KCNJ12: variants seen among roughly 807,000 people sequenced by gnomAD.
The protein encoded by KCNJ12 is potassium inwardly rectifying channel subfamily J member 12.
Under a neutral mutation model 22.3 loss-of-function variants are expected in KCNJ12, and 2 were observed. The ratio of observed to expected loss-of-function variants is 0.09; its 90% confidence interval spans 0.04 to 0.28. The LOEUF (loss-of-function observed/expected upper bound fraction) is 0.28. KCNJ12 is among the 10% of genes least tolerant of loss of function. KCNJ12 has a pLI of 1.00. For synonymous variants in KCNJ12, 117 were observed against 261.4 expected (o/e 0.45, Z 5.33); for missense variants, 155 against 633.3 (o/e 0.24, Z 8.11).
chr17:21,393,871 G>A (rs1225732640), intron 1 of KCNJ12, among the ~76,000 whole-genome samples: 1 of 152,216 alleles, frequency 6.6e-6, no homozygotes, highest in Admixed American at 6.5e-5. Flanking sequence ...TCCTCCCAGG[G>A]CCACTCATTT....
intron 2 of KCNJ12, among the ~76,000 whole-genome samples, chr17:21,414,866 G>A (rs73979889): frequency 2.1e-4 from 32 of 152,022 alleles, no homozygotes; most frequent in African/African-American, 6.0e-4. Context: ...GCATTGAGCA[G>A]GGGAGGGATA....
At chr17:21,407,547 T>C (rs1906030378) in intron 1 of KCNJ12, among the ~76,000 whole-genome samples, 1 of 149,598 alleles carries the variant, frequency 6.7e-6, no homozygotes, top group African/African-American at 2.5e-5. Context: ...ATCCCATTCG[T>C]CTATCCATCC....
At chr17:21,377,872 C>T (rs1555557470) in intron 1 of KCNJ12, among the ~76,000 whole-genome samples, 1 of 152,230 alleles carries the variant, frequency 6.6e-6, no homozygotes, top group African/African-American at 2.4e-5. Flanking sequence ...CCTCCCCCTC[C>T]CCATTTCCCA....
chr17:21,409,938 G>A (rs1398631714), intron 2 of KCNJ12, among the ~76,000 whole-genome samples: 1 of 152,202 alleles, frequency 6.6e-6, no homozygotes, highest in African/African-American at 2.4e-5. Flanking sequence ...TGAGTCTCTG[G>A]TGGGGAGGTT....
intron 1 of KCNJ12, among the ~76,000 whole-genome samples, chr17:21,384,852 A>G (rs1168144271): frequency 2.7e-5 from 4 of 148,690 alleles, no homozygotes; most frequent in Admixed American, 2.0e-4. Flanking sequence ...AGCTCACTGC[A>G]ATCTCCGCCT....
At chr17:21,415,242 C>T in intron 2 of KCNJ12, 45 bp from the exon 3 acceptor site, 1 of 1,524,762 alleles carries the variant, frequency 6.6e-7, no homozygotes. Context: ...GTAGAGGAGC[C>T]CGGAGCCACC....
intron 1 of KCNJ12, among the ~76,000 whole-genome samples, chr17:21,378,882 A>T (rs1904768855): frequency 6.6e-6 from 1 of 152,046 alleles, no homozygotes; most frequent in Non-Finnish European, 1.5e-5. Flanking sequence ...GCTGCCCCGG[A>T]GGGGACCCCT....
intron 1 of KCNJ12, among the ~76,000 whole-genome samples, chr17:21,382,494 C>T (rs1447098038): frequency 6.6e-6 from 1 of 151,696 alleles, no homozygotes; most frequent in Non-Finnish European, 1.5e-5. Flanking sequence ...CCTTTCCAGT[C>T]TTTTTTTTGG....
At position 21,376,364 on chromosome 17, in the gene KCNJ12, CGAGCTGAGCTCCGGTGGAGCGAGGCGCG is replaced by C. The variant is rs1390914527; in HGVS notation, c.-721_-694del. ...CTCCGCGGAGAGTTAGAGGAGTTGC[CGAGCTGAGCTCCGGTGGAGCGAGGCGCG>C]GAGCTGGGTGCGCGCCGAGCCTCTG... On this transcript the variant is annotated 5_prime_UTR_variant, in exon 1 of 3. Transcript: ENST00000583088. The surrounding 1 kb of genome is among the most constrained non-coding windows in gnomAD (Gnocchi z 5.3). 1.3e-5 allele frequency: 2 copies of C among 151,738 alleles called. No homozygotes were observed. Among genetic ancestry groups the C allele is most frequent in the Non-Finnish European group, 2.9e-5 (2 of 67,910 alleles). 9.4% of individuals were successfully genotyped at this position (151,738 alleles called of 1,614,324 possible). A position where few individuals can be genotyped will look rare whatever the true frequency, so the allele number is the denominator to read the frequency against.
At chr17:21,414,767 A>T (rs11652106) in intron 2 of KCNJ12, among the ~76,000 whole-genome samples, 14 of 152,344 alleles carry the variant, frequency 9.2e-5, no homozygotes, top group Admixed American at 3.9e-4. Context: ...TGTGGCCGGA[A>T]GGGGAGTCCG....
intron 1 of KCNJ12, among the ~76,000 whole-genome samples, chr17:21,379,290 G>A (rs1176551862): frequency 1.3e-5 from 2 of 152,210 alleles, no homozygotes; most frequent in African/African-American, 4.8e-5. Flanking sequence ...CTTGGCATAT[G>A]GCTGGGGCGG....
At chr17:21,408,129 C>T (rs1906091272) in intron 1 of KCNJ12, among the ~76,000 whole-genome samples, 2 of 152,288 alleles carry the variant, frequency 1.3e-5, no homozygotes, top group Admixed American at 6.5e-5. Flanking sequence ...GGCCTGAATT[C>T]CTTTGTGACA....
chr17:21,382,598 C>T (rs931055146), intron 1 of KCNJ12, among the ~76,000 whole-genome samples: 2 of 152,214 alleles, frequency 1.3e-5, no homozygotes, highest in Non-Finnish European at 2.9e-5. Flanking sequence ...ATCACCTCTG[C>T]AACTATAGAG....
chr17:21,376,443 T>G lies in KCNJ12; in HGVS notation c.-649T>G, dbSNP rs1904652482. ...CCTCCCGCCGCCTCCTCGCCCTCCA[T>G]TCCTCGCTCCCCGTCTTCTCCCGGC... On this transcript the variant is annotated 5_prime_UTR_variant, in exon 1 of 3. Transcript: ENST00000583088. This position sits in a 1 kb window ranked among gnomAD's most constrained non-coding sequence, Gnocchi z 5.3. The G allele has an allele frequency of 1.3e-5, 2 of 151,628 alleles. No homozygotes were observed. Among genetic ancestry groups the G allele is most frequent in the Non-Finnish European group, 2.9e-5 (2 of 67,916 alleles). The allele number at this position is 151,628 out of a possible 1,614,324, so 9.4% of individuals were successfully genotyped here. A position where few individuals can be genotyped will look rare whatever the true frequency, so the allele number is the denominator to read the frequency against.
intron 1 of KCNJ12, among the ~76,000 whole-genome samples, chr17:21,380,328 C>A (rs1555557774): frequency 6.6e-6 from 1 of 152,184 alleles, no homozygotes; most frequent in African/African-American, 2.4e-5. Context: ...AGACCCCAGG[C>A]CCTGTTGCCT....
intron 1 of KCNJ12, among the ~76,000 whole-genome samples, chr17:21,384,016 C>T (rs782026121): frequency 3.3e-5 from 5 of 152,050 alleles, no homozygotes; most frequent in Non-Finnish European, 7.4e-5. Flanking sequence ...CTCCCCCACC[C>T]CCAGAGTTTC....
chr17:21,400,938 G>A (rs1344872004), intron 1 of KCNJ12, among the ~76,000 whole-genome samples: 1 of 152,308 alleles, frequency 6.6e-6, no homozygotes, highest in Non-Finnish European at 1.5e-5. Context: ...GGAGAGCTGT[G>A]CAGCTCCAGC....
In KCNJ12 at chr17:21,419,506, A is replaced by G. The variant is rs1408330002; in HGVS notation, c.*2862A>G. 2 of 161,686 alleles carry G rather than the reference A, an allele frequency of 1.2e-5. No homozygotes were observed. Among genetic ancestry groups the G allele is most frequent in the Non-Finnish European group, 3.0e-5 (2 of 66,402 alleles). 10.0% of individuals were successfully genotyped at this position (161,686 alleles called of 1,614,324 possible). Reference sequence around the variant, plus strand: ...TGGAGCTTGTGTTCCAGGATGAGACATCTGGAGGTGAGCGTGTGCGTCCGG... The same window carrying G: ...TGGAGCTTGTGTTCCAGGATGAGACGTCTGGAGGTGAGCGTGTGCGTCCGG... On this transcript the variant is annotated 3_prime_UTR_variant, in exon 3 of 3. Transcript: ENST00000583088.
intron 1 of KCNJ12, among the ~76,000 whole-genome samples, chr17:21,384,531 G>A (rs1905005912): frequency 6.6e-6 from 1 of 152,148 alleles, no homozygotes; most frequent in Admixed American, 6.5e-5. Context: ...GTCGCAGCCT[G>A]GGGCTTTGGG....
Sources: allele counts gnomAD v4.1 joint callset (sites outside exome capture counted in the v4.1 genomes callset), GRCh38; gene constraint gnomAD v4.1.1; non-coding constraint Gnocchi (gnomAD v3.1); transcripts MANE v1.5; gene names NCBI Gene and HGNC (gene_info 2026-07-23, HGNC 2026-07-21).